KLHL1: variants seen among roughly 807,000 people sequenced by gnomAD.
KLHL1 encodes kelch like family member 1, also known as kelch-like protein 1.
A neutral mutation model predicts 77.7 loss-of-function variants in KLHL1; 47 were observed. The observed-to-expected ratio is 0.60, with a 90% CI of 0.48 to 0.77. The LOEUF is 0.77. Among genes scored for constraint, KLHL1 ranks in the 30% least tolerant of loss-of-function variants. KLHL1 has a pLI of 0.00. For missense variants in KLHL1, 925 were observed against 910.8 expected (o/e 1.02, Z -0.20); for synonymous variants, 360 against 325.2 (o/e 1.11, Z -1.15).
intron 1 of KLHL1, among the ~76,000 whole-genome samples, chr13:69,981,290 T>C (rs1015844420): frequency 5.9e-5 from 9 of 152,138 alleles, no homozygotes; most frequent in African/African-American, 1.9e-4. Flanking sequence ...GATATATTAA[T>C]TGCAAACAAG....
intron 1 of KLHL1, among the ~76,000 whole-genome samples, chr13:70,045,790 T>C (rs987646696): frequency 6.6e-6 from 1 of 152,174 alleles, no homozygotes; most frequent in African/African-American, 2.4e-5. Flanking sequence ...TTCTTTGAAG[T>C]ATAGGGATGC....
chr13:69,872,575 C>T (rs146832009), intron 5 of KLHL1, among the ~76,000 whole-genome samples: 298 of 152,228 alleles, frequency 2.0e-3, no homozygotes, highest in Non-Finnish European at 3.6e-3. Flanking sequence ...TGCAATGATG[C>T]ACCCTCTCCC....
chr13:69,900,053 C>T (rs562593519), intron 4 of KLHL1, among the ~76,000 whole-genome samples: 5 of 152,202 alleles, frequency 3.3e-5, no homozygotes, highest in Non-Finnish European at 7.4e-5. Context: ...GATAAGCCAG[C>T]TGTTGGAAGT....
At chr13:70,053,088 T>C (rs1223441379) in intron 1 of KLHL1, among the ~76,000 whole-genome samples, 2 of 151,768 alleles carry the variant, frequency 1.3e-5, no homozygotes, top group South Asian at 2.1e-4. Context: ...AAAAATTAGA[T>C]TGAAGGAAAA....
intron 10 of KLHL1, among the ~76,000 whole-genome samples, chr13:69,706,788 G>A (rs777183482): frequency 1.3e-5 from 2 of 151,920 alleles, no homozygotes; most frequent in South Asian, 2.1e-4. Context: ...AGAGTGTATC[G>A]ATTCCCTCCA....
At chr13:69,946,555 TG>T (rs1883531507) in intron 3 of KLHL1, among the ~76,000 whole-genome samples, 2 of 152,264 alleles carry the variant, frequency 1.3e-5, no homozygotes, top group African/African-American at 4.8e-5. Context: ...TTCTGTCATC[TG>T]GGCTGAAGGG....
chr13:69,817,199 G>T (rs1285282269), intron 6 of KLHL1, among the ~76,000 whole-genome samples: 6 of 152,086 alleles, frequency 3.9e-5, no homozygotes, highest in African/African-American at 1.2e-4. Context: ...CCCAGAAAAG[G>T]TCTTCCATAT....
At chr13:69,966,489 G>A (rs1264776647) in intron 2 of KLHL1, among the ~76,000 whole-genome samples, 1 of 152,128 alleles carries the variant, frequency 6.6e-6, no homozygotes, top group Non-Finnish European at 1.5e-5. Flanking sequence ...TGACAGAGAT[G>A]TACAAGGAGA....
intron 4 of KLHL1, among the ~76,000 whole-genome samples, chr13:69,900,076 TCTC>T (rs979553288): frequency 2.0e-5 from 3 of 152,070 alleles, no homozygotes; most frequent in Non-Finnish European, 4.4e-5. Context: ...ACTACATAGG[TCTC>T]CTTCAACCTT....
chr13:69,936,737 A>G (rs1306925326), intron 4 of KLHL1, among the ~76,000 whole-genome samples: 1 of 152,090 alleles, frequency 6.6e-6, no homozygotes, highest in Non-Finnish European at 1.5e-5. Flanking sequence ...TTAAACAGCC[A>G]TTGAAAAAAC....
chr13:70,047,937 T>C (rs1022591312), intron 1 of KLHL1, among the ~76,000 whole-genome samples: 14 of 152,182 alleles, frequency 9.2e-5, no homozygotes, highest in African/African-American at 3.1e-4. Context: ...TTAGTATCTC[T>C]GAGCCTGAGT....
At position 69,961,406 on chromosome 13, in the gene KLHL1, A is replaced by T. The variant is rs772917545; in HGVS notation, c.719T>A (p.Met240Lys). The change falls in exon 3 of 11, where the codon ATG becomes AAG. Residue 240 changes from methionine (M) to lysine (K), a missense_variant. By Grantham distance (95) the Met-to-Lys change is moderately conservative. Coordinates refer to ENST00000377844, the MANE Select transcript of KLHL1 (RefSeq NM_020866.3). The stretch of plus-strand genomic sequence containing the variant: ...GGCTTCACAAACATCACTTGTAAAC[A>T]TGGCCGCAAAATAGTCGGAGACTGA... ...LSSVSDYFAAMFTSDVCEAKQ... is the reference protein window; with the variant it reads ...LSSVSDYFAAKFTSDVCEAKQ... The T allele has an allele frequency of 6.2e-7, 1 of 1,613,074 alleles. No homozygotes were observed. Among genetic ancestry groups the T allele is most frequent in the South Asian group, 1.1e-5 (1 of 91,058 alleles).
intron 1 of KLHL1, among the ~76,000 whole-genome samples, chr13:70,049,070 TAATA>T (rs1566531740): frequency 6.6e-6 from 1 of 152,218 alleles, no homozygotes; most frequent in African/African-American, 2.4e-5. Context: ...TTAGTACTAA[TAATA>T]AATATTTAAA....
chr13:69,875,366 A>C (rs1880726334), intron 5 of KLHL1, among the ~76,000 whole-genome samples: 1 of 152,146 alleles, frequency 6.6e-6, no homozygotes, highest in South Asian at 2.1e-4. Context: ...GGAATTATCC[A>C]AAATAGACTA....
chr13:70,002,999 T>C (rs1411540878), intron 1 of KLHL1, among the ~76,000 whole-genome samples: 1 of 151,644 alleles, frequency 6.6e-6, no homozygotes, highest in Non-Finnish European at 1.5e-5. Context: ...AGCTTGTAGA[T>C]ATGCAAATAA....
chr13:69,954,258 C>T (rs1028495244), intron 3 of KLHL1, among the ~76,000 whole-genome samples: 4 of 151,166 alleles, frequency 2.6e-5, no homozygotes, highest in African/African-American at 7.3e-5. Context: ...AAGTTCTACA[C>T]ACTACACTTA....
At chr13:69,938,567 G>A (rs1445060467) in intron 4 of KLHL1, among the ~76,000 whole-genome samples, 2 of 152,092 alleles carry the variant, frequency 1.3e-5, no homozygotes, top group African/African-American at 2.4e-5. Context: ...CTCTGGATAT[G>A]GAGGCATATT....
intron 1 of KLHL1, among the ~76,000 whole-genome samples, chr13:70,049,397 T>C (rs1593702755): frequency 6.6e-6 from 1 of 152,338 alleles, no homozygotes; most frequent in East Asian, 1.9e-4. Context: ...TAACACTTTA[T>C]GAGATTTCAG....
At chr13:69,783,843 C>A (rs1033370629) in intron 7 of KLHL1, among the ~76,000 whole-genome samples, 24 of 151,208 alleles carry the variant, frequency 1.6e-4, no homozygotes, top group African/African-American at 5.9e-4. Flanking sequence ...CACAAAGATA[C>A]TCCTCGAGAA....
Sources: allele counts gnomAD v4.1 joint callset (sites outside exome capture counted in the v4.1 genomes callset), GRCh38; gene constraint gnomAD v4.1.1; transcripts MANE v1.5; gene names NCBI Gene and HGNC (gene_info 2026-07-23, HGNC 2026-07-21).